The following OTOP1 variants were observed in gnomAD, a reference collection of about 807,000 sequenced individuals.
The protein encoded by OTOP1 is otopetrin 1, also known as proton channel OTOP1.
A neutral mutation model predicts 52.9 loss-of-function variants in OTOP1; 59 were observed. That is an observed-to-expected ratio of 1.12 (90% CI 0.91 to 1.39). The LOEUF is 1.39. OTOP1 is among the 40% of genes most tolerant of loss of function. OTOP1 has a pLI of 0.00. For synonymous variants in OTOP1, 317 were observed against 337.7 expected, an observed-to-expected ratio of 0.94 and a Z score of 0.67; for missense variants, 761 against 800.9, an observed-to-expected ratio of 0.95 and a Z score of 0.60.
rs17697262 is a variant in OTOP1 at position 4,198,033 on chromosome 4, G to A, written c.801C>T (p.Ile267=). 0.2 allele frequency: 324,185 copies of A among 1,613,910 alleles called. 35,876 individuals carry two copies. The highest frequency in any genetic ancestry group is 0.23 in the Non-Finnish European group (271,544 of 1,179,868). The change falls in exon 5 of 6, where the codon ATC becomes ATT. Residue 267 remains isoleucine (I), a synonymous_variant. Coordinates refer to ENST00000296358, the MANE Select transcript of OTOP1 (RefSeq NM_177998.3). ...PTLCTAISHG[I]YYLYPFNIEY... Reference sequence around the variant, plus strand: ...CTATGTTGAAGGGGTAGAGGTAGTAGATCCCGTGGGAGATGGCAGTGCACA... The same window carrying A: ...CTATGTTGAAGGGGTAGAGGTAGTAAATCCCGTGGGAGATGGCAGTGCACA...
At chr4:4,206,042 A>G in intron 3 of OTOP1, 30 bp downstream of exon 3, 1 of 1,557,848 alleles carries the variant, frequency 6.4e-7, no homozygotes, top group Non-Finnish European at 8.8e-7. Context: ...GCCAAATTCA[A>G]CATATAAAGC....
rs73792844 is a variant in OTOP1 at position 4,193,809 on chromosome 4, G to T, written c.1668+3357C>A. 5.4e-3 allele frequency among the ~76,000 whole-genome samples: 821 copies of T among 152,238 alleles called. 7 individuals are homozygous for T. Among genetic ancestry groups the T allele is most frequent in the African/African-American group, 0.019 (790 of 41,530 alleles). On this transcript the variant is annotated intron_variant, in intron 5 of 5. Transcript: ENST00000296358. ...GACAGTGCTATCTTTCTTCAAGTGG[G>T]TCCAAAAATTCAAGCCAAGTATTTC...
intron 5 of OTOP1, among the ~76,000 whole-genome samples, chr4:4,190,348 C>T (rs1716475097): frequency 6.6e-6 from 1 of 152,184 alleles, no homozygotes; most frequent in African/African-American, 2.4e-5. Flanking sequence ...GCGGCATGTG[C>T]CTGTAATCCC....
intron 4 of OTOP1, among the ~76,000 whole-genome samples, chr4:4,201,657 G>A (rs1472219749): frequency 6.6e-6 from 1 of 152,020 alleles, no homozygotes; most frequent in Admixed American, 6.6e-5. Flanking sequence ...GACAGCCTGG[G>A]TTTACAAAAC....
chr4:4,198,521 C>G (rs1259297023), intron 4 of OTOP1, among the ~76,000 whole-genome samples: 1 of 152,136 alleles, frequency 6.6e-6, no homozygotes, highest in African/African-American at 2.4e-5. Context: ...GATTTTGCTT[C>G]CCTGTATTTT....
chr4:4,197,679 C>T lies in OTOP1; in HGVS notation c.1155G>A (p.Pro385=), dbSNP rs776031823. ...DEKSLDESKN[P]ARKLDSDLLV... ...AGAGGTCCGAGTCCAGTTTGCGGGC[C>T]GGATTTTTGGACTCATCCAGTGACT... Residue 385 remains proline, a synonymous_variant, in exon 5 of 6, where the codon CCG becomes CCA. Transcript: ENST00000296358. 1.9e-5 allele frequency: 30 copies of T among 1,613,462 alleles called. No homozygotes were observed. Among genetic ancestry groups the T allele is most frequent in the Admixed American group, 3.3e-5 (2 of 59,960 alleles).
intron 4 of OTOP1, among the ~76,000 whole-genome samples, chr4:4,199,542 A>G (rs996802917): frequency 2.0e-5 from 3 of 152,074 alleles, no homozygotes; most frequent in Non-Finnish European, 4.4e-5. Context: ...CCTGCTGAGT[A>G]GCTGGGACCA....
chr4:4,221,848 C>G (rs112023119), intron 1 of OTOP1, among the ~76,000 whole-genome samples: 1 of 152,110 alleles, frequency 6.6e-6, no homozygotes, highest in African/African-American at 2.4e-5. Flanking sequence ...ACTCCTGACC[C>G]CAGGTGATCT....
At chr4:4,199,306 T>C (rs1293967198) in intron 4 of OTOP1, among the ~76,000 whole-genome samples, 1 of 148,158 alleles carries the variant, frequency 6.7e-6, no homozygotes. Flanking sequence ...AATTTAGAAA[T>C]TGTTAAGTAA....
chr4:4,220,042 C>CATAT, intron 1 of OTOP1, among the ~76,000 whole-genome samples: 1 of 54,422 alleles, frequency 1.8e-5, no homozygotes, highest in African/African-American at 1.2e-4. Context: ...TATATGTATA[C>CATAT]ATATATACAT....
At chr4:4,192,256 G>T (rs988197463) in intron 5 of OTOP1, among the ~76,000 whole-genome samples, 8 of 151,996 alleles carry the variant, frequency 5.3e-5, no homozygotes, top group Non-Finnish European at 1.2e-4. Flanking sequence ...ACCCACCTGT[G>T]GGTGCCTCAG....
chr4:4,219,323 C>T (rs969277189), intron 1 of OTOP1, among the ~76,000 whole-genome samples: 3 of 152,072 alleles, frequency 2.0e-5, no homozygotes, highest in Non-Finnish European at 4.4e-5. Flanking sequence ...GTCAGAATGG[C>T]AATATTAATA....
chr4:4,223,312 T>G (rs1480543763), intron 1 of OTOP1, among the ~76,000 whole-genome samples: 1 of 152,102 alleles, frequency 6.6e-6, no homozygotes, highest in African/African-American at 2.4e-5. Context: ...GGTGCAACCA[T>G]TCACCCATAG....
chr4:4,199,220 T>TTGTGAGTGTG (rs1716720742), intron 4 of OTOP1, among the ~76,000 whole-genome samples: 1 of 54,158 alleles, frequency 1.8e-5, no homozygotes, highest in Non-Finnish European at 3.9e-5. Flanking sequence ...TCAGGTAAAA[T>TTGTGAGTGTG]TGTGTGTGTG....
intron 1 of OTOP1, among the ~76,000 whole-genome samples, chr4:4,214,751 A>G (rs1246581074): frequency 6.6e-6 from 1 of 152,252 alleles, no homozygotes; most frequent in Admixed American, 6.5e-5. Context: ...AAATGTAAGC[A>G]AATTCATAGA....
In OTOP1 at chr4:4,198,069, C is replaced by A. The variant is rs750671691; in HGVS notation, c.765G>T (p.Thr255=). The stretch of plus-strand genomic sequence containing the variant: ...AGATGGCAGTGCACAGAGTTGGGGG[C>A]GTGCAGTTACACTGCGGTGTGTGGT... The part of the protein sequence containing the change: ...LDDHTPQCNC[T]PPTLCTAISH... Residue 255 remains threonine (T), a synonymous_variant, in exon 5 of 6, where the codon ACG becomes ACT. Transcript: ENST00000296358. 2.5e-6 allele frequency: 4 copies of A among 1,614,026 alleles called. No individual in the cohort carries two copies. The highest frequency in any genetic ancestry group is 2.7e-5 in the African/African-American group (2 of 75,020).
rs761063348 is a variant in OTOP1 at position 4,202,501 on chromosome 4, A to G, written c.677T>C (p.Leu226Pro). ...NGVLNESKHQ[L>P]NEHKERLITL... ...GATGAGCCGTTCCTTGTGCTCATTGAGTTGGTGCTTTGACTCATTGAGGAC... is the reference window on the plus strand; with the variant it reads ...GATGAGCCGTTCCTTGTGCTCATTGGGTTGGTGCTTTGACTCATTGAGGAC... The change falls in exon 4 of 6, where the codon CTC becomes CCC. Residue 226 changes from leucine to proline, a missense_variant. Transcript: ENST00000296358. 5.0e-6 allele frequency: 8 copies of G among 1,614,042 alleles called. No individual in the cohort carries two copies. The highest frequency in any genetic ancestry group is 5.9e-6 in the Non-Finnish European group (7 of 1,179,958).
chr4:4,216,669 A>G (rs1717158831), intron 1 of OTOP1, among the ~76,000 whole-genome samples: 1 of 152,370 alleles, frequency 6.6e-6, no homozygotes, highest in Non-Finnish European at 1.5e-5. Flanking sequence ...TGGAGATTCG[A>G]TCCCAGTGCT....
chr4:4,207,006 C>T (rs1279584657), intron 2 of OTOP1, among the ~76,000 whole-genome samples: 1 of 152,236 alleles, frequency 6.6e-6, no homozygotes, highest in Non-Finnish European at 1.5e-5. Context: ...GCATGCCAAA[C>T]ACTGGTAGGC....
Sources: gnomAD v4.1 joint callset for allele counts (sites outside exome capture counted in the v4.1 genomes callset) on GRCh38, gnomAD v4.1.1 for gene constraint, MANE v1.5 for transcripts, NCBI Gene and HGNC (gene_info 2026-07-23, HGNC 2026-07-21) for gene names.